IGF1R: variants seen among roughly 807,000 people sequenced by gnomAD.
IGF1R encodes the protein insulin-like growth factor 1 receptor.
In IGF1R, 44 loss-of-function variants were observed where a neutral mutation model predicts 144.6. The observed-to-expected ratio is 0.30, with a 90% CI of 0.24 to 0.39. IGF1R has a LOEUF of 0.39. Ranked by LOEUF, IGF1R falls within the 10% of genes least tolerant of loss-of-function variation. The pLI is 1.00. For missense variants in IGF1R, 1,355 were observed against 1,833.7 expected, an observed-to-expected ratio of 0.74 and a Z score of 4.77; for synonymous variants, 795 against 722.8, an observed-to-expected ratio of 1.10 and a Z score of -1.60.
chr15:98,761,352 C>T (rs553960975), intron 2 of IGF1R, among the ~76,000 whole-genome samples: 1 of 152,322 alleles, frequency 6.6e-6, no homozygotes, highest in South Asian at 2.1e-4. Context: ...AAAACAATGC[C>T]TAGCCACACT....
rs2053900442 is a variant in IGF1R, at chr15:98,707,756, G to A, written c.289G>A (p.Gly97Arg). The A allele has an allele frequency of 6.2e-7, 1 of 1,614,088 alleles. No individual in the cohort carries two copies. Among genetic ancestry groups the A allele is most frequent in the African/African-American group, 1.3e-5 (1 of 75,018 alleles). Reference protein sequence around the residue: ...LFRVAGLESLGDLFPNLTVIR... With the variant: ...LFRVAGLESLRDLFPNLTVIR... ...CCGAGTGGCTGGCCTCGAGAGCCTC[G>A]GAGACCTCTTCCCCAACCTCACGGT... The change falls in exon 2 of 21, where the codon GGA becomes AGA. Residue 97 changes from glycine (G) to arginine (R), a missense_variant. By Grantham distance (125) the Gly-to-Arg change is moderately radical (BLOSUM62 -2). This residue lies in a region of IGF1R where 75 missense variants were observed against 160.0 expected (regional missense o/e 0.47). Coordinates refer to ENST00000650285, the MANE Select transcript of IGF1R (RefSeq NM_000875.5). This position sits in a 1 kb window ranked among gnomAD's most constrained non-coding sequence, Gnocchi z 6.7.
intron 2 of IGF1R, among the ~76,000 whole-genome samples, chr15:98,872,880 G>A (rs1415805342): frequency 6.6e-6 from 1 of 151,378 alleles, no homozygotes; most frequent in African/African-American, 2.4e-5. Flanking sequence ...GACATGACTT[G>A]TGCCCTTAAA....
In IGF1R at chr15:98,751,902, C is replaced by G. The variant is rs564548751; in HGVS notation, c.640+43795C>G. On this transcript the variant is annotated intron_variant, in intron 2 of 20. Coordinates refer to ENST00000650285, the MANE Select transcript of IGF1R (RefSeq NM_000875.5). ...TGTGTGGACGTCTCCCACCCTTTCC[C>G]TTCCCCAGCCCAAGTCAGTCTTCTG... Among the ~76,000 whole-genome samples, 4 of 152,308 alleles carry G rather than the reference C, an allele frequency of 2.6e-5. No homozygotes were observed. In the South Asian group the frequency reaches 8.3e-4, roughly 32 times the overall value.
At chr15:98,922,017 GT>G in intron 10 of IGF1R, 130 bp from the exon 11 acceptor site, 2 of 915,668 alleles carry the variant, frequency 2.2e-6, no homozygotes, top group Non-Finnish European at 3.5e-6. Context: ...TTATTCATGA[GT>G]TCTTACCTAA....
At chr15:98,866,071 C>A (rs1406294270) in intron 2 of IGF1R, among the ~76,000 whole-genome samples, 1 of 152,184 alleles carries the variant, frequency 6.6e-6, no homozygotes, top group Non-Finnish European at 1.5e-5. Context: ...GTAAAAGATG[C>A]AAATGTGTTT....
rs145915238 is a variant in IGF1R, at chr15:98,731,030, A to G, written c.640+22923A>G. Among the ~76,000 whole-genome samples the G allele has an allele frequency of 8.5e-4, 129 of 152,356 alleles. 1 individual carries two copies. The highest frequency in any genetic ancestry group is 2.9e-3 in the African/African-American group (122 of 41,582). ...AGCTAACTTCCAGCAAGGCTGTGTT[A>G]GGAATGTGGAATCAATTAGATGAAT... On this transcript the variant is annotated intron_variant, in intron 2 of 20. Coordinates refer to ENST00000650285, the MANE Select transcript of IGF1R (RefSeq NM_000875.5).
At chr15:98,661,559 A>T (rs1039896639) in intron 1 of IGF1R, among the ~76,000 whole-genome samples, 10 of 152,226 alleles carry the variant, frequency 6.6e-5, no homozygotes, top group African/African-American at 2.2e-4. Flanking sequence ...AACCGGCTGG[A>T]TGTGAACTTA....
intron 10 of IGF1R, among the ~76,000 whole-genome samples, chr15:98,918,967 T>C (rs1040198500): frequency 6.6e-6 from 1 of 152,162 alleles, no homozygotes; most frequent in East Asian, 1.9e-4. Context: ...GTCTTCTGCC[T>C]GCTGGTGTGT....
At chr15:98,865,613 T>A (rs1472900480) in intron 2 of IGF1R, among the ~76,000 whole-genome samples, 1 of 152,194 alleles carries the variant, frequency 6.6e-6, no homozygotes, top group Admixed American at 6.5e-5. Context: ...ATGAACTCCT[T>A]GGGGTTTTTT....
chr15:98,798,670 C>T (rs2056299128), intron 2 of IGF1R, among the ~76,000 whole-genome samples: 1 of 151,938 alleles, frequency 6.6e-6, no homozygotes, highest in South Asian at 2.1e-4. Flanking sequence ...GTGGGATGTC[C>T]AGTGAGGAGG....
At chr15:98,784,261 A>C (rs866730918) in intron 2 of IGF1R, among the ~76,000 whole-genome samples, 8 of 152,098 alleles carry the variant, frequency 5.3e-5, no homozygotes, top group Middle Eastern at 3.2e-3. Flanking sequence ...AAGTATAAAA[A>C]GTCTTTTTTC....
intron 19 of IGF1R, among the ~76,000 whole-genome samples, chr15:98,943,447 G>T (rs2016438376): frequency 1.3e-5 from 2 of 152,124 alleles, no homozygotes; most frequent in South Asian, 2.1e-4. Context: ...CCCTCAGATT[G>T]CAGACAGTGC....
intron 4 of IGF1R, 28 bp downstream of exon 4, chr15:98,896,933 G>A (rs755581915): frequency 6.8e-6 from 11 of 1,611,406 alleles, no homozygotes; most frequent in Admixed American, 3.3e-5. Flanking sequence ...CTGGAAAAAC[G>A]GCTAGATCTC....
At chr15:98,851,859 C>G (rs2011541769) in intron 2 of IGF1R, among the ~76,000 whole-genome samples, 1 of 152,216 alleles carries the variant, frequency 6.6e-6, no homozygotes, top group Non-Finnish European at 1.5e-5. Flanking sequence ...ATGCCTGCTC[C>G]CAAACTCAGC....
At chr15:98,819,933 C>A (rs572693230) in intron 2 of IGF1R, among the ~76,000 whole-genome samples, 1 of 152,142 alleles carries the variant, frequency 6.6e-6, no homozygotes, top group South Asian at 2.1e-4. Context: ...CTGGAAACTT[C>A]CACGGCACAC....
chr15:98,937,051 A>G (rs556940946), intron 17 of IGF1R, among the ~76,000 whole-genome samples: 1 of 152,124 alleles, frequency 6.6e-6, no homozygotes, highest in South Asian at 2.1e-4. Flanking sequence ...ACGCCCACCT[A>G]ATTTTTGTAT....
At chr15:98,722,679 G>C (rs1038523941) in intron 2 of IGF1R, among the ~76,000 whole-genome samples, 3 of 152,168 alleles carry the variant, frequency 2.0e-5, no homozygotes, top group Non-Finnish European at 2.9e-5. Flanking sequence ...TGATGGATGA[G>C]GTAGGAGTGG....
At chr15:98,731,350 C>T (rs75745671) in intron 2 of IGF1R, among the ~76,000 whole-genome samples, 5,483 of 152,222 alleles carry the variant, frequency 0.036, 112 homozygotes, top group East Asian at 0.052. Context: ...TTCTCCTCTG[C>T]GTAAATCATC....
At chr15:98,690,187 T>C (rs2053441210) in intron 1 of IGF1R, among the ~76,000 whole-genome samples, 1 of 151,752 alleles carries the variant, frequency 6.6e-6, no homozygotes. Flanking sequence ...ACAAAAAAAT[T>C]AAAAAATTAG....
Sources: allele counts gnomAD v4.1 joint callset (sites outside exome capture counted in the v4.1 genomes callset), GRCh38; gene constraint gnomAD v4.1.1; regional missense constraint gnomAD v4.1.1; non-coding constraint Gnocchi (gnomAD v3.1); transcripts MANE v1.5; gene names NCBI Gene and HGNC (gene_info 2026-07-23, HGNC 2026-07-21).